Variants in KIF3B observed in about 807,000 individuals in gnomAD.
KIF3B encodes kinesin family member 3B, also known as kinesin-like protein KIF3B.
A neutral mutation model predicts 74.3 loss-of-function variants in KIF3B; 38 were observed. The ratio of observed to expected loss-of-function variants is 0.51; its 90% CI spans 0.39 to 0.67. The LOEUF (loss-of-function observed/expected upper bound fraction) is 0.67, where lower values mean the gene tolerates loss of function less well. KIF3B is among the 30% of genes least tolerant of loss of function. The pLI, the probability that KIF3B is intolerant of heterozygous loss-of-function variation, is 0.00. For synonymous variants in KIF3B, 326 were observed against 342.5 expected (o/e 0.95, Z 0.53); for missense variants, 649 against 932.0 (o/e 0.70, Z 3.95).
intron 1 of KIF3B, among the ~76,000 whole-genome samples, chr20:32,295,413 C>T (rs1313838156): frequency 6.6e-6 from 1 of 152,024 alleles, no homozygotes; most frequent in Non-Finnish European, 1.5e-5. Flanking sequence ...CTGCCTCAGC[C>T]TCCTGAATAG....
intron 1 of KIF3B, among the ~76,000 whole-genome samples, chr20:32,302,218 T>C (rs1053206884): frequency 6.6e-6 from 1 of 152,202 alleles, no homozygotes; most frequent in Admixed American, 6.5e-5. Flanking sequence ...AGAATAAGAT[T>C]TTAAGCCTTG....
In KIF3B at chr20:32,330,213, G is replaced by C. The variant is rs1219233586; in HGVS notation, c.2041G>C (p.Ala681Pro). ...TTRDYEGPAI[A>P]PKVQAALDAA... ...CAGAGACTATGAGGGTCCAGCCATTGCCCCCAAGGTCCAGGCTGCATTGGA... is the reference window on the plus strand; with the variant it reads ...CAGAGACTATGAGGGTCCAGCCATTCCCCCCAAGGTCCAGGCTGCATTGGA... The change falls in exon 8 of 9, where the codon GCC becomes CCC. Residue 681 changes from alanine to proline, a missense_variant. Physicochemically the swap from Ala to Pro is conservative, Grantham distance 27 (BLOSUM62 -1). Around this residue, in one of 4 missense-constraint regions of KIF3B, gnomAD observed 186 missense variants for 198.5 expected, o/e 0.94. Coordinates refer to ENST00000375712, the MANE Select transcript of KIF3B (RefSeq NM_004798.4). 1 of 1,614,094 alleles carries C rather than the reference G, an allele frequency of 6.2e-7. No individual in the cohort carries two copies.
intron 1 of KIF3B, among the ~76,000 whole-genome samples, chr20:32,304,556 A>G (rs2047760005): frequency 6.6e-6 from 1 of 152,220 alleles, no homozygotes; most frequent in African/African-American, 2.4e-5. Flanking sequence ...CAGCAGTGAC[A>G]TAAATTATGG....
At chr20:32,330,501 C>CCGAATA (rs2047925158) in intron 8 of KIF3B, among the ~76,000 whole-genome samples, 182 bp downstream of exon 8, 1 of 152,154 alleles carries the variant, frequency 6.6e-6, no homozygotes, top group Non-Finnish European at 1.5e-5. Flanking sequence ...GCTGGGTATA[C>CCGAATA]CGAATACCAG....
chr20:32,316,955 G>T (rs1279438497), intron 5 of KIF3B, 81 bp downstream of exon 5: 23 of 1,109,704 alleles, frequency 2.1e-5, no homozygotes, highest in Non-Finnish European at 3.0e-5. Context: ...AACAGCCCTG[G>T]CTGGGCTTGG....
At chr20:32,323,088 T>TTA (rs1389498038) in intron 5 of KIF3B, among the ~76,000 whole-genome samples, 2 of 22,784 alleles carry the variant, frequency 8.8e-5, no homozygotes. Context: ...TTATATATAT[T>TTA]TATATTTATA....
chr20:32,330,929 T>A (rs1162097550), intron 8 of KIF3B, among the ~76,000 whole-genome samples: 1 of 152,242 alleles, frequency 6.6e-6, no homozygotes, highest in Non-Finnish European at 1.5e-5. Flanking sequence ...AAATTCTACC[T>A]GCAAACTTAA....
chr20:32,297,436 A>C (rs2047721932), intron 1 of KIF3B, among the ~76,000 whole-genome samples: 3 of 152,246 alleles, frequency 2.0e-5, no homozygotes, highest in Admixed American at 2.0e-4. Context: ...CTATTACCCA[A>C]GGTTGACCAC....
At position 32,310,025 on chromosome 20, in the gene KIF3B, C is replaced by G. The variant is rs866552096; in HGVS notation, c.248C>G (p.Ser83Cys). 1.2e-6 allele frequency: 2 copies of G among 1,614,090 alleles called. No individual in the cohort carries two copies. Among genetic ancestry groups the G allele is most frequent in the Non-Finnish European group, 1.7e-6 (2 of 1,180,042 alleles). Reference sequence around the variant, plus strand: ...GAGACGTTCCGACCACTTGTTGACTCTGTCCTGCAAGGTTTCAATGGAACC... The same window carrying G: ...GAGACGTTCCGACCACTTGTTGACTGTGTCCTGCAAGGTTTCAATGGAACC... The part of the protein sequence containing the change: ...YDETFRPLVD[S>C]VLQGFNGTIF... Residue 83 changes from serine (S) to cysteine (C), a missense_variant, in exon 2 of 9, where the codon TCT becomes TGT. Coordinates refer to ENST00000375712, the MANE Select transcript of KIF3B (RefSeq NM_004798.4). The surrounding 1 kb of genome is among the most constrained non-coding windows in gnomAD (Gnocchi z 6.5).
At chr20:32,315,595 C>G (rs531361933) in intron 2 of KIF3B, among the ~76,000 whole-genome samples, 1 of 152,230 alleles carries the variant, frequency 6.6e-6, no homozygotes, top group East Asian at 1.9e-4. Context: ...CACCTGTAGT[C>G]CCAGCTGCTT....
At chr20:32,306,060 TG>T (rs2047768945) in intron 1 of KIF3B, among the ~76,000 whole-genome samples, 1 of 145,232 alleles carries the variant, frequency 6.9e-6, no homozygotes, top group South Asian at 2.2e-4. Context: ...CACTCCAGCC[TG>T]GTCAATAAGA....
intron 1 of KIF3B, among the ~76,000 whole-genome samples, chr20:32,287,214 C>T (rs1277568809): frequency 2.0e-5 from 3 of 152,164 alleles, no homozygotes; most frequent in Non-Finnish European, 4.4e-5. Context: ...CAGGGTCTCA[C>T]TATGTTGCTC....
intron 1 of KIF3B, among the ~76,000 whole-genome samples, chr20:32,307,501 A>G (rs1294102751): frequency 1.3e-5 from 2 of 152,136 alleles, no homozygotes; most frequent in African/African-American, 4.8e-5. Flanking sequence ...TGTATATGTC[A>G]TTGTTTAAAA....
Position 32,334,989 on chromosome 20 carries a change from C to T in KIF3B, c.*3670C>T, listed in dbSNP as rs1260086298. 2 of 152,580 alleles carry T rather than the reference C, an allele frequency of 1.3e-5. No homozygotes were observed. Among genetic ancestry groups the T allele is most frequent in the Non-Finnish European group, 2.9e-5 (2 of 68,028 alleles). The allele number at this position is 152,580 out of a possible 1,614,324, so 9.5% of individuals were successfully genotyped here. On this transcript the variant is annotated 3_prime_UTR_variant, in exon 9 of 9. Coordinates refer to ENST00000375712, the MANE Select transcript of KIF3B (RefSeq NM_004798.4). ...ACTAAGATGTGTAATAAAAATCAATCAGATTTATTGTACCTACAAAAAGGT... is the reference window on the plus strand; with the variant it reads ...ACTAAGATGTGTAATAAAAATCAATTAGATTTATTGTACCTACAAAAAGGT...
intron 1 of KIF3B, among the ~76,000 whole-genome samples, chr20:32,292,905 A>C (rs927482719): frequency 6.6e-6 from 1 of 152,220 alleles, no homozygotes; most frequent in Non-Finnish European, 1.5e-5. Context: ...TACTGTTTGC[A>C]GTAGCAAATG....
chr20:32,296,018 C>T (rs1303501010), intron 1 of KIF3B, among the ~76,000 whole-genome samples: 2 of 151,822 alleles, frequency 1.3e-5, no homozygotes. Context: ...CTGCCTGCCA[C>T]CACGCCCGGC....
In KIF3B at chr20:32,310,878, C is replaced by T; in HGVS notation, c.1101C>T (p.Ala367=). The change falls in exon 2 of 9, where the codon GCC becomes GCT. Residue 367 remains alanine, a synonymous_variant. Transcript: ENST00000375712. The surrounding 1 kb of genome is among the most constrained non-coding windows in gnomAD (Gnocchi z 6.5). ...EFQEEIARLK[A]QLEKRSIGRR... Reference sequence around the variant, plus strand: ...AGGAAGAGATTGCTCGGCTCAAGGCCCAGCTGGAAAAACGGTCCATTGGTA... The same window carrying T: ...AGGAAGAGATTGCTCGGCTCAAGGCTCAGCTGGAAAAACGGTCCATTGGTA... The T allele has an allele frequency of 2.5e-6, 4 of 1,613,702 alleles. No individual in the cohort carries two copies. Among genetic ancestry groups the T allele is most frequent in the Non-Finnish European group, 3.4e-6 (4 of 1,179,966 alleles).
At chr20:32,318,715 T>C (rs1428393259) in intron 5 of KIF3B, among the ~76,000 whole-genome samples, 1 of 152,200 alleles carries the variant, frequency 6.6e-6, no homozygotes, top group Non-Finnish European at 1.5e-5. Flanking sequence ...CACATATTTA[T>C]TTATTTTTCA....
At chr20:32,320,247 G>A (rs900933455) in intron 5 of KIF3B, among the ~76,000 whole-genome samples, 5 of 152,084 alleles carry the variant, frequency 3.3e-5, no homozygotes, top group Admixed American at 1.3e-4. Context: ...TTTCTCATGA[G>A]ATTCATGATT....
Sources: gnomAD v4.1 joint callset for allele counts (sites outside exome capture counted in the v4.1 genomes callset) on GRCh38, gnomAD v4.1.1 for gene constraint, gnomAD v4.1.1 regional missense constraint, Gnocchi (gnomAD v3.1) non-coding constraint, MANE v1.5 for transcripts, NCBI Gene and HGNC (gene_info 2026-07-23, HGNC 2026-07-21) for gene names.